Variants in ENPP3 observed in about 807,000 individuals in gnomAD.
The protein encoded by ENPP3 is ectonucleotide pyrophosphatase/phosphodiesterase family member 3.
ENPP3 carries 104 observed loss-of-function variants against 117.8 expected under a neutral mutation model. That is an observed-to-expected ratio of 0.88 (90% CI 0.75 to 1.04). The LOEUF (loss-of-function observed/expected upper bound fraction) is 1.04, where lower values mean the gene tolerates loss of function less well. ENPP3 is among the 50% of genes least tolerant of loss of function. The pLI is 0.00. For synonymous variants in ENPP3, 380 were observed against 349.9 expected (o/e 1.09, Z -0.96); for missense variants, 1,026 against 1,051.9 (o/e 0.98, Z 0.34).
At chr6:131,724,487 T>C (rs1437540486) in intron 19 of ENPP3, among the ~76,000 whole-genome samples, 2 of 152,200 alleles carry the variant, frequency 1.3e-5, no homozygotes, top group Non-Finnish European at 1.5e-5. Context: ...ACTCACCTCA[T>C]GTAGTTGTAA....
At chr6:131,745,066 G>A (rs568809068) in intron 24 of ENPP3, among the ~76,000 whole-genome samples, 1 of 152,256 alleles carries the variant, frequency 6.6e-6, no homozygotes, top group South Asian at 2.1e-4. Context: ...AGACTGTCAG[G>A]TGCTGGGTAA....
At chr6:131,696,529 G>A (rs1008618033) in intron 15 of ENPP3, among the ~76,000 whole-genome samples, 6 of 152,328 alleles carry the variant, frequency 3.9e-5, no homozygotes, top group Non-Finnish European at 8.8e-5. Context: ...GCCCTGTGCA[G>A]TCTGTCGGTT....
intron 3 of ENPP3, 43 bp from the exon 4 acceptor site, chr6:131,652,499 C>T (rs747691389): frequency 2.9e-5 from 46 of 1,596,046 alleles, no homozygotes; most frequent in Non-Finnish European, 2.6e-6. Context: ...ATATTTTATA[C>T]TGCAGGCTTA....
rs76642512 is a variant in ENPP3, at chr6:131,735,669, T to G, written c.2090-1686T>G. Among the ~76,000 whole-genome samples, 27 of 152,302 alleles carry G rather than the reference T, an allele frequency of 1.8e-4. 1 individual carries two copies. The East Asian group carries it at 4.8e-3, about 27-fold the overall frequency. ...AAAGTATTATAATAGAAAATTCATATAAGTGGAATTGTGCACTATATGTGT... is the reference window on the plus strand; with the variant it reads ...AAAGTATTATAATAGAAAATTCATAGAAGTGGAATTGTGCACTATATGTGT... On this transcript the variant is annotated intron_variant, in intron 21 of 24. Coordinates refer to ENST00000357639, the MANE Select transcript of ENPP3 (RefSeq NM_005021.5).
At chr6:131,662,776 G>T (rs1039647292) in intron 6 of ENPP3, among the ~76,000 whole-genome samples, 4 of 152,022 alleles carry the variant, frequency 2.6e-5, no homozygotes, top group African/African-American at 7.2e-5. Context: ...ATTGTTTTGG[G>T]TAATAGGAAC....
chr6:131,735,851 C>T (rs1490035303), intron 21 of ENPP3, among the ~76,000 whole-genome samples: 1 of 151,858 alleles, frequency 6.6e-6, no homozygotes, highest in African/African-American at 2.4e-5. Context: ...AATTAATGGG[C>T]GTAAAGTTTC....
chr6:131,746,974 A>C lies in ENPP3; in HGVS notation c.*18A>C. ...CTATTTAACTTAATAATGTCTACTT[A>C]ATATATAATTTACTGTATAAAGTAA... On this transcript the variant is annotated 3_prime_UTR_variant, in exon 25 of 25. Transcript: ENST00000357639. 1.4e-6 allele frequency: 2 copies of C among 1,417,228 alleles called. No homozygotes were observed. Among genetic ancestry groups the C allele is most frequent in the South Asian group, 1.3e-5 (1 of 75,712 alleles). 87.8% of individuals were successfully genotyped at this position (1,417,228 alleles called of 1,614,324 possible).
intron 23 of ENPP3, 25 bp downstream of exon 23, chr6:131,738,188 A>G: frequency 1.3e-6 from 2 of 1,595,448 alleles, no homozygotes; most frequent in African/African-American, 1.3e-5. Context: ...TTTTTGATTT[A>G]TCAATAGGGT....
At chr6:131,643,850 TAAAC>T (rs2114291758) in intron 2 of ENPP3, among the ~76,000 whole-genome samples, 1 of 151,872 alleles carries the variant, frequency 6.6e-6, no homozygotes, top group African/African-American at 2.4e-5. Context: ...AAAATATAAA[TAAAC>T]AAAATATGTA....
intron 1 of ENPP3, 81 bp from the exon 2 acceptor site, chr6:131,641,374 G>T (rs1778036161): frequency 7.1e-6 from 6 of 841,646 alleles, no homozygotes; most frequent in Admixed American, 2.1e-5. Flanking sequence ...TACTTAGAGA[G>T]AATACTGAGA....
rs749968875 is a variant in ENPP3, at chr6:131,737,383, T to C, written c.2118T>C (p.Tyr706=). The C allele has an allele frequency of 5.6e-6, 9 of 1,609,164 alleles. No individual in the cohort carries two copies. The East Asian group carries it at 1.8e-4, about 32-fold the overall frequency. ...PASNRTSDSQ[Y]DALITSNLVP... ...GCAATAGAACATCAGATAGCCAATA[T>C]GATGCTTTAATTACTAGCAATTTGG... The change falls in exon 22 of 25, where the codon TAT becomes TAC. Residue 706 remains tyrosine, a synonymous_variant. Coordinates refer to ENST00000357639, the MANE Select transcript of ENPP3 (RefSeq NM_005021.5).
chr6:131,677,974 ATG>A, intron 11 of ENPP3, 34 bp downstream of exon 11: 4 of 1,311,446 alleles, frequency 3.1e-6, no homozygotes, highest in African/African-American at 1.5e-5. Context: ...AAAAAAAAAA[ATG>A]TAAAATCATC....
At chr6:131,744,742 CA>C (rs1780596804) in intron 24 of ENPP3, among the ~76,000 whole-genome samples, 1 of 151,582 alleles carries the variant, frequency 6.6e-6, no homozygotes, top group Non-Finnish European at 1.5e-5. Context: ...AATATTGCCT[CA>C]AAAAATGAGT....
chr6:131,699,102 G>C (rs1484229877), intron 15 of ENPP3, among the ~76,000 whole-genome samples: 3 of 149,588 alleles, frequency 2.0e-5, no homozygotes, highest in Non-Finnish European at 4.5e-5. Flanking sequence ...GCTATGCGTG[G>C]TGGCACATGC....
chr6:131,746,847 G>A lies in ENPP3; in HGVS notation c.2519G>A (p.Arg840His), dbSNP rs201810317. The A allele has an allele frequency of 1.4e-5, 23 of 1,613,250 alleles. No individual in the cohort carries two copies. Among genetic ancestry groups the A allele is most frequent in the African/African-American group, 4.0e-5 (3 of 74,892 alleles). The stretch of plus-strand genomic sequence containing the variant: ...TTTACAGCTCACATTGCCCGGGTCC[G>A]TGATGTAGAACTTCTCACTGGGCTT... ...ERFTAHIARV[R>H]DVELLTGLDF... The change falls in exon 25 of 25, where the codon CGT becomes CAT. Residue 840 changes from arginine (R) to histidine (H), a missense_variant. Arg to His is a conservative substitution (Grantham distance 29, BLOSUM62 0). Coordinates refer to ENST00000357639, the MANE Select transcript of ENPP3 (RefSeq NM_005021.5).
Position 131,733,795 on chromosome 6 carries a change from A to G in ENPP3, c.2089+72A>G, listed in dbSNP as rs1481328951. ...AGCTGGATGTGGGCATGTGCCTTAA[A>G]CATATACTCCCCACCAAAACTACCT... On this transcript the variant is annotated intron_variant, in intron 21 of 24. Coordinates refer to ENST00000357639, the MANE Select transcript of ENPP3 (RefSeq NM_005021.5). 4.0e-6 allele frequency: 6 copies of G among 1,496,814 alleles called. No homozygotes were observed. The Admixed American group carries it at 7.2e-5, about 18-fold the overall frequency. 92.7% of individuals were successfully genotyped at this position (1,496,814 alleles called of 1,614,324 possible). A position where few individuals can be genotyped will look rare whatever the true frequency, so the allele number is the denominator to read the frequency against.
chr6:131,743,833 A>ATAAAG (rs1178024104), intron 24 of ENPP3, among the ~76,000 whole-genome samples: 12 of 151,886 alleles, frequency 7.9e-5, no homozygotes, highest in Non-Finnish European at 1.8e-4. Flanking sequence ...TCAAAATAAA[A>ATAAAG]TAAAATAAAA....
chr6:131,738,332 A>C (rs927234633), intron 23 of ENPP3, among the ~76,000 whole-genome samples, 169 bp downstream of exon 23: 2 of 152,160 alleles, frequency 1.3e-5, no homozygotes, highest in African/African-American at 4.8e-5. Flanking sequence ...CTTATATTGC[A>C]AAAAATTTAA....
rs375600897 is a variant in ENPP3 at position 131,735,378 on chromosome 6, C to G, written c.2089+1655C>G. 1.7e-4 allele frequency among the ~76,000 whole-genome samples: 26 copies of G among 152,178 alleles called. No homozygotes were observed. The East Asian group carries it at 3.1e-3, about 18-fold the overall frequency. ...AGAGGCTTTTTGTGGAGTCTGAGAACTACAAACACCATATGAAATCTGAAG... is the reference window on the plus strand; with the variant it reads ...AGAGGCTTTTTGTGGAGTCTGAGAAGTACAAACACCATATGAAATCTGAAG... On this transcript the variant is annotated intron_variant, in intron 21 of 24. Transcript: ENST00000357639.
Sources: allele counts gnomAD v4.1 joint callset (sites outside exome capture counted in the v4.1 genomes callset), GRCh38; gene constraint gnomAD v4.1.1; transcripts MANE v1.5; gene names NCBI Gene and HGNC (gene_info 2026-07-23, HGNC 2026-07-21).